The following CDH4 variants were observed in gnomAD, a reference collection of about 807,000 sequenced individuals.
The protein encoded by CDH4 is cadherin-4.
A neutral mutation model predicts 86.0 loss-of-function variants in CDH4; 33 were observed. The ratio of observed to expected loss-of-function variants is 0.38; its 90% CI spans 0.29 to 0.51. The LOEUF (loss-of-function observed/expected upper bound fraction) is 0.51. CDH4 is among the 20% of genes least tolerant of loss of function. The pLI, the probability that CDH4 is intolerant of heterozygous loss-of-function variation, is 0.86. For missense variants in CDH4, 1,114 were observed against 1,307.4 expected (o/e 0.85, Z 2.28); for synonymous variants, 555 against 549.4 (o/e 1.01, Z -0.14).
intron 3 of CDH4, among the ~76,000 whole-genome samples, chr20:61,761,650 C>T (rs937456748): frequency 1.3e-5 from 2 of 152,260 alleles, no homozygotes; most frequent in East Asian, 1.9e-4. Flanking sequence ...AGTCAAAGGC[C>T]GGTGGCTTTG....
intron 13 of CDH4, among the ~76,000 whole-genome samples, chr20:61,931,853 T>C (rs2055114827): frequency 1.3e-5 from 2 of 152,064 alleles, no homozygotes; most frequent in South Asian, 4.2e-4. Context: ...ACAAGGGGAC[T>C]TTACCTCTCT....
chr20:61,764,764 T>G (rs1020331556), intron 3 of CDH4, among the ~76,000 whole-genome samples: 1 of 152,200 alleles, frequency 6.6e-6, no homozygotes, highest in African/African-American at 2.4e-5. Flanking sequence ...ACATCACTCC[T>G]ATCCCCACTG....
At position 61,919,508 on chromosome 20, in the gene CDH4, G is replaced by GGCCT. The variant is rs1169339328; in HGVS notation, c.1375-3932_1375-3929dup. ...TTCCGCTCCACTGTAGACAGTGCCT[G>GGCCT]GCCTGCCTGCCTGCAGGTGGTTCAC... On this transcript the variant is annotated intron_variant, in intron 9 of 15. Coordinates refer to ENST00000614565, the MANE Select transcript of CDH4 (RefSeq NM_001794.5). 1.3e-4 allele frequency among the ~76,000 whole-genome samples: 20 copies of GGCCT among 152,370 alleles called. No individual in the cohort carries two copies. The East Asian group carries it at 3.1e-3, about 24-fold the overall frequency.
rs1485569003 is a variant in CDH4, at chr20:61,544,638, G to T, written c.170-198925G>T. Among the ~76,000 whole-genome samples, 1 of 151,984 alleles carries T rather than the reference G, an allele frequency of 6.6e-6. No individual in the cohort carries two copies. Among genetic ancestry groups the T allele is most frequent in the African/African-American group, 2.4e-5 (1 of 41,392 alleles). ...GCAGACAGGGCCCACCAGACCCCAC[G>T]CTGCTCTACTCCGCACCGGCCCCCC... On this transcript the variant is annotated intron_variant, in intron 2 of 15. Transcript: ENST00000614565. The surrounding 1 kb of genome is among the most constrained non-coding windows in gnomAD (Gnocchi z 6.5).
At chr20:61,495,911 A>AC (rs1325970435) in intron 2 of CDH4, among the ~76,000 whole-genome samples, 2 of 151,162 alleles carry the variant, frequency 1.3e-5, no homozygotes, top group Non-Finnish European at 3.0e-5. Context: ...TCAAAAAAAA[A>AC]AAAAAAAAAA....
chr20:61,417,663 T>C lies in CDH4; in HGVS notation c.169+162726T>C, dbSNP rs1264677411. Among the ~76,000 whole-genome samples, 2 of 152,194 alleles carry C rather than the reference T, an allele frequency of 1.3e-5. No individual in the cohort carries two copies. The highest frequency in any genetic ancestry group is 6.5e-5 in the Admixed American group (1 of 15,284). On this transcript the variant is annotated intron_variant, in intron 2 of 15. Coordinates refer to ENST00000614565, the MANE Select transcript of CDH4 (RefSeq NM_001794.5). The surrounding 1 kb of genome is among the most constrained non-coding windows in gnomAD (Gnocchi z 4.0). ...GATTGGGGAGCAAATTTCTAGCCGCTTCCCTCTCAGAACATGCATTTCTCC... is the reference window on the plus strand; with the variant it reads ...GATTGGGGAGCAAATTTCTAGCCGCCTCCCTCTCAGAACATGCATTTCTCC...
At chr20:61,776,099 C>T (rs1032741169) in intron 4 of CDH4, among the ~76,000 whole-genome samples, 8 of 152,196 alleles carry the variant, frequency 5.3e-5, no homozygotes, top group African/African-American at 4.8e-5. Flanking sequence ...GCAGAGGGCT[C>T]GGGTAAGGAT....
At chr20:61,303,066 T>G (rs971191468) in intron 2 of CDH4, among the ~76,000 whole-genome samples, 13 of 152,186 alleles carry the variant, frequency 8.5e-5, no homozygotes, top group Admixed American at 5.2e-4. Context: ...ACTTCTAGCC[T>G]CCAGACCTGC....
chr20:61,852,765 C>G lies in CDH4; in HGVS notation c.744C>G (p.His248Gln). The change falls in exon 6 of 16, where the codon CAC becomes CAG. Residue 248 changes from histidine (H) to glutamine (Q), a missense_variant. Transcript: ENST00000614565. ...EEHASYHLRAHAVDMNGNKVE... is the reference protein window; with the variant it reads ...EEHASYHLRAQAVDMNGNKVE... Reference sequence around the variant, plus strand: ...TGCTGCTTTTCCAGCTCCGAGCCCACGCTGTGGACATGAATGGCAACAAGG... The same window carrying G: ...TGCTGCTTTTCCAGCTCCGAGCCCAGGCTGTGGACATGAATGGCAACAAGG... The G allele has an allele frequency of 6.2e-7, 1 of 1,612,236 alleles. No individual in the cohort carries two copies. Among genetic ancestry groups the G allele is most frequent in the East Asian group, 2.2e-5 (1 of 44,792 alleles).
chr20:61,694,823 C>T (rs1476737993), intron 2 of CDH4, among the ~76,000 whole-genome samples: 1 of 152,222 alleles, frequency 6.6e-6, no homozygotes, highest in Non-Finnish European at 1.5e-5. Context: ...GCCACCTTCA[C>T]AAGCCTGCTC....
chr20:61,379,445 TCA>T, intron 2 of CDH4, among the ~76,000 whole-genome samples: 1 of 152,234 alleles, frequency 6.6e-6, no homozygotes, highest in Middle Eastern at 3.4e-3. Flanking sequence ...GCCGTGACTT[TCA>T]CAGTTATTGA....
intron 2 of CDH4, among the ~76,000 whole-genome samples, chr20:61,490,744 G>A (rs964920332): frequency 1.1e-4 from 17 of 152,156 alleles, no homozygotes; most frequent in African/African-American, 3.1e-4. Context: ...GGTGGGAGTC[G>A]GAGTGACGGG....
chr20:61,565,152 G>C lies in CDH4; in HGVS notation c.170-178411G>C, dbSNP rs2748150. ...GGTGCTGGTCCTCTTGGTGTTGGTAGTGGTCCTCTTGGTGATGGGGTGGTG... is the reference window on the plus strand; with the variant it reads ...GGTGCTGGTCCTCTTGGTGTTGGTACTGGTCCTCTTGGTGATGGGGTGGTG... On this transcript the variant is annotated intron_variant, in intron 2 of 15. Transcript: ENST00000614565. Among the ~76,000 whole-genome samples, 65 of 131,788 alleles carry C rather than the reference G, an allele frequency of 4.9e-4. 1 individual carries two copies. Among genetic ancestry groups the C allele is most frequent in the African/African-American group, 8.1e-4 (28 of 34,602 alleles). The allele number at this position is 131,788 out of a possible 152,430, so 86.5% of individuals were successfully genotyped here. A position where few individuals can be genotyped will look rare whatever the true frequency, so the allele number is the denominator to read the frequency against.
At chr20:61,338,297 A>G (rs1029109923) in intron 2 of CDH4, among the ~76,000 whole-genome samples, 4 of 152,222 alleles carry the variant, frequency 2.6e-5, no homozygotes, top group African/African-American at 9.6e-5. Flanking sequence ...AAGAGAAAAA[A>G]AAATCAGGGT....
At chr20:61,317,297 G>A (rs1329324353) in intron 2 of CDH4, among the ~76,000 whole-genome samples, 1 of 152,100 alleles carries the variant, frequency 6.6e-6, no homozygotes, top group African/African-American at 2.4e-5. Flanking sequence ...TGCAAGCTCC[G>A]CCTCCCGGTT....
intron 7 of CDH4, among the ~76,000 whole-genome samples, chr20:61,885,043 A>G (rs1600736822): frequency 6.6e-6 from 1 of 151,764 alleles, no homozygotes; most frequent in East Asian, 2.0e-4. Flanking sequence ...GGCAGCCCCC[A>G]CCCCACCAGC....
chr20:61,330,130 T>C (rs1010553130), intron 2 of CDH4, among the ~76,000 whole-genome samples: 2 of 152,180 alleles, frequency 1.3e-5, no homozygotes, highest in African/African-American at 4.8e-5. Flanking sequence ...CTATTGTGAA[T>C]AGGGCTGCAA....
intron 4 of CDH4, among the ~76,000 whole-genome samples, chr20:61,839,484 GTT>G (rs1349869409): frequency 1.3e-5 from 2 of 151,448 alleles, no homozygotes; most frequent in East Asian, 1.9e-4. Context: ...GTGTATGTGT[GTT>G]TGTGTATATG....
chr20:61,429,121 C>T (rs2085230647), intron 2 of CDH4, among the ~76,000 whole-genome samples: 1 of 151,634 alleles, frequency 6.6e-6, no homozygotes, highest in Non-Finnish European at 1.5e-5. Context: ...TATATAATGA[C>T]AGCTTATATT....
Sources: gnomAD v4.1 joint callset for allele counts (sites outside exome capture counted in the v4.1 genomes callset) on GRCh38, gnomAD v4.1.1 for gene constraint, Gnocchi (gnomAD v3.1) non-coding constraint, MANE v1.5 for transcripts, NCBI Gene and HGNC (gene_info 2026-07-23, HGNC 2026-07-21) for gene names.